Variants in FIRRM observed in about 807,000 individuals in gnomAD.
The protein encoded by FIRRM is FIGNL1 interacting regulator of recombination and mitosis.
the FIRRM span, among the ~76,000 whole-genome samples, chr1:169,807,329 T>C: frequency 6.6e-6 from 1 of 152,252 alleles, no homozygotes; most frequent in Non-Finnish European, 1.5e-5. Flanking sequence ...TTTGATATCC[T>C]TACCCTAAGA....
At chr1:169,841,137 G>A in the FIRRM span, among the ~76,000 whole-genome samples, 5 of 152,108 alleles carry the variant, frequency 3.3e-5, no homozygotes, top group Non-Finnish European at 7.4e-5. Flanking sequence ...GATGCCTAGT[G>A]TCTTGATGGC....
the FIRRM span, chr1:169,853,754 C>T: frequency 6.2e-7 from 1 of 1,613,800 alleles, no homozygotes. Context: ...CCTTCTTCTT[C>T]CCAGCCTTCA....
chr1:169,832,417 A>C, the FIRRM span: 1 of 1,610,038 alleles, frequency 6.2e-7, no homozygotes, highest in Non-Finnish European at 8.5e-7. Flanking sequence ...CTTTTTCCAG[A>C]TAAAGTCATG....
the FIRRM span, among the ~76,000 whole-genome samples, chr1:169,824,126 C>T: frequency 6.6e-6 from 1 of 152,150 alleles, no homozygotes; most frequent in African/African-American, 2.4e-5. Flanking sequence ...CAATTCCTCA[C>T]TGTCAATGAC....
At chr1:169,793,742 C>G in the FIRRM span, 1 of 1,505,556 alleles carries the variant, frequency 6.6e-7, no homozygotes, top group South Asian at 1.4e-5. Flanking sequence ...TCTTCAACTT[C>G]TGGATAGAAT....
the FIRRM span, chr1:169,849,447 G>T: frequency 7.4e-7 from 1 of 1,344,084 alleles, no homozygotes; most frequent in Non-Finnish European, 1.1e-6. Context: ...GCTATTTTAT[G>T]ATTATCTATT....
At chr1:169,806,093 G>A in the FIRRM span, 1 of 1,541,752 alleles carries the variant, frequency 6.5e-7, no homozygotes, top group Non-Finnish European at 8.8e-7. Context: ...AATTAAGTAA[G>A]TTTGTTTGTT....
chr1:169,845,452 A>G, the FIRRM span, among the ~76,000 whole-genome samples: 8 of 152,222 alleles, frequency 5.3e-5, no homozygotes, highest in Admixed American at 4.6e-4. Context: ...TCTTCCCTTC[A>G]TGAAAGATTT....
chr1:169,794,128 GAAC>G, the FIRRM span, among the ~76,000 whole-genome samples: 1 of 151,862 alleles, frequency 6.6e-6, no homozygotes, highest in African/African-American at 2.4e-5. Flanking sequence ...ACAAACAGAA[GAAC>G]AACAGCAACC....
chr1:169,830,571 T>C, the FIRRM span: 1 of 934,500 alleles, frequency 1.1e-6, no homozygotes, highest in Non-Finnish European at 1.6e-6. Flanking sequence ...GTGATATTAT[T>C]TGGTCATGGA....
the FIRRM span, among the ~76,000 whole-genome samples, chr1:169,784,511 A>G: frequency 9.1e-4 from 138 of 152,034 alleles, no homozygotes; most frequent in Admixed American, 1.4e-3. Flanking sequence ...ATCATTCTTC[A>G]TCTCTTTCCT....
chr1:169,803,446 T>A, the FIRRM span: 1 of 918,946 alleles, frequency 1.1e-6, no homozygotes, highest in Non-Finnish European at 1.5e-6. Flanking sequence ...AAAGAACATG[T>A]AAGTAAATAA....
the FIRRM span, among the ~76,000 whole-genome samples, chr1:169,806,599 T>G: frequency 6.6e-6 from 1 of 152,196 alleles, no homozygotes; most frequent in African/African-American, 2.4e-5. Flanking sequence ...GAGATGTGGT[T>G]GAGATGTAAA....
At chr1:169,849,556 T>G in the FIRRM span, 2 of 1,614,002 alleles carry the variant, frequency 1.2e-6, no homozygotes, top group Non-Finnish European at 1.7e-6. Context: ...CTGACAGGAG[T>G]TGGCTGCTAG....
At chr1:169,803,102 T>C in the FIRRM span, 1 of 1,440,086 alleles carries the variant, frequency 6.9e-7, no homozygotes, top group Non-Finnish European at 9.6e-7. Context: ...GCACCCAGCA[T>C]GCTGACTAAT....
chr1:169,836,082 T>C, the FIRRM span, among the ~76,000 whole-genome samples: 5 of 151,800 alleles, frequency 3.3e-5, no homozygotes, highest in South Asian at 8.3e-4. Context: ...GGTGGGTTTT[T>C]AGTTTTTGGT....
At chr1:169,823,306 T>C in the FIRRM span, 1 of 579,530 alleles carries the variant, frequency 1.7e-6, no homozygotes, top group East Asian at 3.1e-5. Flanking sequence ...TTAAAAGGGG[T>C]CACATTCAGG....
At chr1:169,799,757 G>T in the FIRRM span, among the ~76,000 whole-genome samples, 1 of 152,064 alleles carries the variant, frequency 6.6e-6, no homozygotes, top group African/African-American at 2.4e-5. Context: ...TCACCATGTT[G>T]GCCAGGCTGG....
the FIRRM span, chr1:169,837,101 C>T: frequency 6.3e-7 from 1 of 1,582,404 alleles, no homozygotes. Context: ...TTTGGGAGAA[C>T]TAGAATCTCT....
Sources: gnomAD v4.1 joint callset for allele counts (sites outside exome capture counted in the v4.1 genomes callset) on GRCh38, gnomAD v4.1.1 for gene constraint, MANE v1.5 for transcripts, NCBI Gene and HGNC (gene_info 2026-07-23, HGNC 2026-07-21) for gene names.